CFAP96: variants seen among roughly 807,000 people sequenced by gnomAD.
CFAP96 encodes cilia-and flagella-associated protein 96.
chr4:185,422,924 T>C, the CFAP96 span, among the ~76,000 whole-genome samples: 1 of 152,120 alleles, frequency 6.6e-6, no homozygotes, highest in African/African-American at 2.4e-5. Context: ...AGTGGCACAA[T>C]CTCAGCTCAC....
chr4:185,433,567 C>T, the CFAP96 span, among the ~76,000 whole-genome samples: 1 of 151,658 alleles, frequency 6.6e-6, no homozygotes. Context: ...CCTTCTAATT[C>T]TAGTAGGCAA....
At chr4:185,418,330 T>G in the CFAP96 span, 1 of 793,514 alleles carries the variant, frequency 1.3e-6, no homozygotes, top group Non-Finnish European at 1.9e-6. Flanking sequence ...TTTTTGGACA[T>G]CAATATTCTG....
chr4:185,431,281 G>A, the CFAP96 span, among the ~76,000 whole-genome samples: 2 of 151,520 alleles, frequency 1.3e-5, no homozygotes, highest in African/African-American at 4.9e-5. Context: ...AGGATTGTGT[G>A]CACTTCAAAA....
the CFAP96 span, among the ~76,000 whole-genome samples, chr4:185,436,592 C>G: frequency 7.2e-5 from 11 of 151,984 alleles, no homozygotes; most frequent in Admixed American, 6.5e-5. Context: ...CACCTGTAAT[C>G]CCAGCTACTC....
At chr4:185,430,379 A>G in the CFAP96 span, among the ~76,000 whole-genome samples, 3 of 152,220 alleles carry the variant, frequency 2.0e-5, no homozygotes, top group African/African-American at 4.8e-5. Flanking sequence ...AATAGTCTAT[A>G]TAGTGTGCTC....
At chr4:185,431,456 C>T in the CFAP96 span, among the ~76,000 whole-genome samples, 2 of 152,156 alleles carry the variant, frequency 1.3e-5, no homozygotes, top group Non-Finnish European at 2.9e-5. Flanking sequence ...TGTTGATGGA[C>T]ATTTGGGCTA....
the CFAP96 span, among the ~76,000 whole-genome samples, chr4:185,429,828 A>G: frequency 1.3e-5 from 2 of 151,954 alleles, no homozygotes; most frequent in Non-Finnish European, 2.9e-5. Flanking sequence ...ATGCCCAGCT[A>G]ATTTTTAAAT....
the CFAP96 span, chr4:185,440,480 C>A: frequency 6.7e-6 from 7 of 1,052,566 alleles, no homozygotes; most frequent in East Asian, 2.1e-4. Context: ...AGATTTAACT[C>A]TGGGTTATTT....
chr4:185,436,991 A>G, the CFAP96 span, among the ~76,000 whole-genome samples: 1 of 152,152 alleles, frequency 6.6e-6, no homozygotes, highest in Non-Finnish European at 1.5e-5. Flanking sequence ...TCTATTTTAA[A>G]TAAAGAGTCA....
the CFAP96 span, among the ~76,000 whole-genome samples, chr4:185,408,895 CCT>C: frequency 2.6e-5 from 4 of 152,310 alleles, no homozygotes; most frequent in South Asian, 8.3e-4. Flanking sequence ...TACCCCACCC[CCT>C]GCCTCACCTG....
the CFAP96 span, among the ~76,000 whole-genome samples, chr4:185,433,254 G>A: frequency 1.8e-4 from 27 of 151,510 alleles, no homozygotes; most frequent in East Asian, 3.9e-4. Flanking sequence ...AATTAGCCAG[G>A]CATGGTGGCA....
At chr4:185,436,348 C>CTAAAG in the CFAP96 span, 1 of 1,545,752 alleles carries the variant, frequency 6.5e-7, no homozygotes, top group Non-Finnish European at 8.8e-7. Context: ...TGCAGCAAAA[C>CTAAAG]TAAAGTATAA....
the CFAP96 span, among the ~76,000 whole-genome samples, chr4:185,439,094 C>T: frequency 1.3e-5 from 2 of 152,162 alleles, no homozygotes; most frequent in East Asian, 1.9e-4. Flanking sequence ...TAAAACATTA[C>T]ATTATAATCA....
At chr4:185,419,332 A>G in the CFAP96 span, among the ~76,000 whole-genome samples, 16 of 152,040 alleles carry the variant, frequency 1.1e-4, no homozygotes, top group Non-Finnish European at 7.4e-5. Flanking sequence ...GGGTTTCACC[A>G]CGTTAGCCAG....
At chr4:185,424,677 C>A in the CFAP96 span, among the ~76,000 whole-genome samples, 1 of 152,076 alleles carries the variant, frequency 6.6e-6, no homozygotes, top group African/African-American at 2.4e-5. Flanking sequence ...TACTACCAAA[C>A]AAACTAGTAT....
chr4:185,442,772 C>T, the CFAP96 span, among the ~76,000 whole-genome samples: 28 of 152,100 alleles, frequency 1.8e-4, no homozygotes, highest in South Asian at 4.2e-4. Context: ...ATTGAATATA[C>T]GCTGAATTTT....
the CFAP96 span, among the ~76,000 whole-genome samples, chr4:185,443,342 AT>A: frequency 0.12 from 3,268 of 26,758 alleles, 114 homozygotes; most frequent in Middle Eastern, 0.25. Flanking sequence ...ATATATATAT[AT>A]TTTTTTTTTT....
the CFAP96 span, chr4:185,440,461 A>G: frequency 6.8e-6 from 6 of 879,374 alleles, no homozygotes; most frequent in Non-Finnish European, 1.0e-5. Flanking sequence ...ATTTATATTA[A>G]AATGTAAAAG....
chr4:185,411,731 C>T, the CFAP96 span, among the ~76,000 whole-genome samples: 7 of 151,850 alleles, frequency 4.6e-5, no homozygotes, highest in African/African-American at 1.2e-4. Flanking sequence ...ACATATGTAT[C>T]GAGAGGTATA....
Sources: allele counts gnomAD v4.1 joint callset (sites outside exome capture counted in the v4.1 genomes callset), GRCh38; gene constraint gnomAD v4.1.1; transcripts MANE v1.5; gene names NCBI Gene and HGNC (gene_info 2026-07-23, HGNC 2026-07-21).